The following HIPK2 variants were observed in gnomAD, a reference collection of about 807,000 sequenced individuals.
HIPK2 encodes the protein homeodomain interacting protein kinase 2, also known as homeodomain-interacting protein kinase 2.
A neutral mutation model predicts 113.7 loss-of-function variants in HIPK2; 27 were observed. The ratio of observed to expected loss-of-function variants is 0.24; its 90% CI spans 0.17 to 0.33. The LOEUF (loss-of-function observed/expected upper bound fraction) is 0.33. HIPK2 is among the 10% of genes least tolerant of loss of function. The pLI is 1.00. For synonymous variants in HIPK2, 631 were observed against 642.2 expected (o/e 0.98, Z 0.26); for missense variants, 1,257 against 1,588.0 (o/e 0.79, Z 3.54).
At chr7:139,682,545 C>T (rs935249425) in intron 2 of HIPK2, among the ~76,000 whole-genome samples, 11 of 152,174 alleles carry the variant, frequency 7.2e-5, no homozygotes, top group African/African-American at 2.7e-4. Flanking sequence ...TCCTCTGGGT[C>T]CCTGTGGTGG....
At chr7:139,605,957 T>C (rs1799604146) in intron 9 of HIPK2, among the ~76,000 whole-genome samples, 1 of 152,220 alleles carries the variant, frequency 6.6e-6, no homozygotes, top group Admixed American at 6.5e-5. Context: ...CAATTGGAAC[T>C]CATTTCAGAG....
At chr7:139,665,558 A>ACATCCATC (rs71170908) in intron 2 of HIPK2, among the ~76,000 whole-genome samples, 17,368 of 148,138 alleles carry the variant, frequency 0.12, 1,208 homozygotes, top group Non-Finnish European at 0.16. Context: ...CCTCCTGGCC[A>ACATCCATC]CATCCATCCA....
intron 2 of HIPK2, among the ~76,000 whole-genome samples, chr7:139,632,811 C>G (rs1290274760): frequency 6.6e-6 from 1 of 152,092 alleles, no homozygotes; most frequent in Non-Finnish European, 1.5e-5. Context: ...GGCACGGTGG[C>G]TCATGCCTGT....
At position 139,575,242 on chromosome 7, in the gene HIPK2, G is replaced by C; in HGVS notation, c.3012C>G (p.Ser1004Arg). The C allele has an allele frequency of 6.3e-7, 1 of 1,579,764 alleles. No individual in the cohort carries two copies. Among genetic ancestry groups the C allele is most frequent in the Non-Finnish European group, 8.6e-7 (1 of 1,162,754 alleles). The change falls in exon 14 of 15, where the codon AGC (serine) becomes AGG (arginine). Residue 1004 changes from serine (S) to arginine (R), a missense_variant. This residue lies in a region of HIPK2 where 862 missense variants were observed against 1,004.3 expected (regional missense o/e 0.86). Coordinates refer to ENST00000406875, the MANE Select transcript of HIPK2 (RefSeq NM_022740.5). Reference protein sequence around the residue: ...HSSSYKSKSSSNVTSTSGHSS... With the variant: ...HSSSYKSKSSRNVTSTSGHSS... The stretch of plus-strand genomic sequence containing the variant: ...AGTGACCGCTGGTGGAGGTCACGTT[G>C]CTGGAGGACTTGGACTTGTAGGAGG...
intron 2 of HIPK2, among the ~76,000 whole-genome samples, chr7:139,710,093 T>C (rs548881464): frequency 1.1e-4 from 16 of 152,290 alleles, no homozygotes; most frequent in Middle Eastern, 6.8e-3. Flanking sequence ...GCCATTCCAA[T>C]TGATTTATAC....
chr7:139,702,534 TG>T (rs1246537302), intron 2 of HIPK2, among the ~76,000 whole-genome samples: 1 of 152,122 alleles, frequency 6.6e-6, no homozygotes, highest in Non-Finnish European at 1.5e-5. Flanking sequence ...CCCTGGGGGC[TG>T]GGGGGAGACC....
At chr7:139,729,867 A>G (rs1795719077) in intron 1 of HIPK2, among the ~76,000 whole-genome samples, 1 of 152,116 alleles carries the variant, frequency 6.6e-6, no homozygotes, top group African/African-American at 2.4e-5. Flanking sequence ...TGAATCACAA[A>G]CCTTTACGAA....
At chr7:139,600,097 A>AC (rs1279896085) in intron 11 of HIPK2, among the ~76,000 whole-genome samples, 18 of 151,088 alleles carry the variant, frequency 1.2e-4, no homozygotes, top group Non-Finnish European at 1.9e-4. Context: ...ATCCACCGAC[A>AC]CCCCCCAACC....
At chr7:139,748,828 A>C (rs1796233059) in intron 1 of HIPK2, among the ~76,000 whole-genome samples, 2 of 152,052 alleles carry the variant, frequency 1.3e-5, no homozygotes, top group Non-Finnish European at 2.9e-5. Context: ...CTCAAAGAAA[A>C]AGCACTCCTC....
chr7:139,704,426 A>T (rs1794829715), intron 2 of HIPK2, among the ~76,000 whole-genome samples: 2 of 142,944 alleles, frequency 1.4e-5, no homozygotes, highest in African/African-American at 5.3e-5. Flanking sequence ...CCACACCCAC[A>T]CTATACCCAA....
intron 2 of HIPK2, among the ~76,000 whole-genome samples, chr7:139,633,915 A>C (rs908413115): frequency 6.6e-6 from 1 of 151,510 alleles, no homozygotes; most frequent in African/African-American, 2.4e-5. Context: ...ATTGTACTCC[A>C]GCCTGGGTGA....
chr7:139,716,526 G>A lies in HIPK2; in HGVS notation c.509C>T (p.Thr170Ile). 1 of 1,614,042 alleles carries A rather than the reference G, an allele frequency of 6.2e-7. No individual in the cohort carries two copies. Among genetic ancestry groups the A allele is most frequent in the Non-Finnish European group, 8.5e-7 (1 of 1,179,898 alleles). ...GGAGCCGCTGTTTTTGGAGGTGGCA[G>A]TAGACGTGGTGGCAGTGGCGACAGT... ...GATVATATTSTATSKNSGSNS... is the reference protein window; with the variant it reads ...GATVATATTSIATSKNSGSNS... The change falls in exon 2 of 15, where the codon ACT becomes ATT. Residue 170 changes from threonine to isoleucine, a missense_variant. Coordinates refer to ENST00000406875, the MANE Select transcript of HIPK2 (RefSeq NM_022740.5). The surrounding 1 kb of genome is among the most constrained non-coding windows in gnomAD (Gnocchi z 9.3).
intron 2 of HIPK2, among the ~76,000 whole-genome samples, chr7:139,665,048 T>G (rs1343049808): frequency 1.3e-5 from 2 of 151,490 alleles, no homozygotes; most frequent in East Asian, 1.9e-4. Context: ...TCTTTTTTTT[T>G]TTTTTTTTAG....
chr7:139,678,337 G>GT (rs1220879788), intron 2 of HIPK2, among the ~76,000 whole-genome samples: 1 of 151,642 alleles, frequency 6.6e-6, no homozygotes. Context: ...TTCTTCTAGG[G>GT]TTTTTATATT....
At chr7:139,606,555 C>T (rs1373781959) in intron 9 of HIPK2, among the ~76,000 whole-genome samples, 3 of 152,180 alleles carry the variant, frequency 2.0e-5, no homozygotes, top group Non-Finnish European at 4.4e-5. Flanking sequence ...AGTGAATTAA[C>T]AGACTGAAGG....
Position 139,614,417 on chromosome 7 carries a change from T to C in HIPK2, c.1859A>G (p.Tyr620Cys). The change falls in exon 8 of 15, where the codon TAC (tyrosine) becomes TGC (cysteine). Residue 620 changes from tyrosine to cysteine, a missense_variant. By Grantham distance (194) the Tyr-to-Cys change is radical. This residue lies in a region of HIPK2 where 862 missense variants were observed against 1,004.3 expected (regional missense o/e 0.86). Transcript: ENST00000406875. ...VSILNYPSTL[Y>C]QPSAASMAAV... ...AGCCATGGATGCCGCTGAGGGCTGGTAGAGTGTAGATGGGTAGTTTAGTAT... is the reference window on the plus strand; with the variant it reads ...AGCCATGGATGCCGCTGAGGGCTGGCAGAGTGTAGATGGGTAGTTTAGTAT... 1 of 1,567,218 alleles carries C rather than the reference T, an allele frequency of 6.4e-7. No individual in the cohort carries two copies. Among genetic ancestry groups the C allele is most frequent in the Non-Finnish European group, 8.7e-7 (1 of 1,151,944 alleles).
intron 2 of HIPK2, among the ~76,000 whole-genome samples, chr7:139,654,264 C>A (rs569754965): frequency 1.3e-5 from 2 of 152,264 alleles, no homozygotes; most frequent in South Asian, 4.1e-4. Flanking sequence ...GTAATCCCAG[C>A]ATTTTGGGAA....
At position 139,613,069 on chromosome 7, in the gene HIPK2, T is replaced by C; in HGVS notation, c.2112+133A>G. On this transcript the variant is annotated intron_variant, in intron 9 of 14. Coordinates refer to ENST00000406875, the MANE Select transcript of HIPK2 (RefSeq NM_022740.5). This position sits in a 1 kb window ranked among gnomAD's most constrained non-coding sequence, Gnocchi z 4.2. ...TTCACTTGGGGACCATTTAGAATAT[T>C]ACAGATACATTCCAATGACTAGAAG... 9.3e-7 allele frequency: 1 copy of C among 1,080,116 alleles called. No individual in the cohort carries two copies. Among genetic ancestry groups the C allele is most frequent in the Non-Finnish European group, 1.3e-6 (1 of 765,468 alleles). The allele number at this position is 1,080,116 out of a possible 1,614,324, so 66.9% of individuals were successfully genotyped here. A position where few individuals can be genotyped will look rare whatever the true frequency, so the allele number is the denominator to read the frequency against.
rs1369431529 is a variant in HIPK2 at position 139,692,822 on chromosome 7, TAG to T, written c.1103+23108_1103+23109del. Among the ~76,000 whole-genome samples the T allele has an allele frequency of 2.0e-5, 3 of 152,344 alleles. No individual in the cohort carries two copies. The East Asian group carries it at 5.8e-4, about 29-fold the overall frequency. On this transcript the variant is annotated intron_variant, in intron 2 of 14. Coordinates refer to ENST00000406875, the MANE Select transcript of HIPK2 (RefSeq NM_022740.5). ...ACACATTCGTGATAAATGCCCATCC[TAG>T]GCAGGGAAGAAGTACGGCTCTAAAT...
Sources: gnomAD v4.1 joint callset for allele counts (sites outside exome capture counted in the v4.1 genomes callset) on GRCh38, gnomAD v4.1.1 for gene constraint, gnomAD v4.1.1 regional missense constraint, Gnocchi (gnomAD v3.1) non-coding constraint, MANE v1.5 for transcripts, NCBI Gene and HGNC (gene_info 2026-07-23, HGNC 2026-07-21) for gene names.